Variants in ATRNL1 observed in about 807,000 individuals in gnomAD.
ATRNL1 encodes attractin-like protein 1.
ATRNL1 carries 95 observed loss-of-function variants against 182.7 expected under a neutral mutation model. The ratio of observed to expected loss-of-function variants is 0.52; its 90% confidence interval spans 0.44 to 0.62. The LOEUF is 0.62. ATRNL1 is among the 20% of genes least tolerant of loss of function. The pLI is 0.00. For missense variants in ATRNL1, 1,471 were observed against 1,679.5 expected, an observed-to-expected ratio of 0.88 and a Z score of 2.17; for synonymous variants, 576 against 568.3, an observed-to-expected ratio of 1.01 and a Z score of -0.19.
At chr10:115,532,044 G>C (rs1198502325) in intron 25 of ATRNL1, among the ~76,000 whole-genome samples, 2 of 151,076 alleles carry the variant, frequency 1.3e-5, no homozygotes, top group Admixed American at 6.6e-5. Context: ...TTGTAGTATA[G>C]TTTGAAGTCA....
At chr10:115,265,906 T>G (rs1851589214) in intron 11 of ATRNL1, among the ~76,000 whole-genome samples, 1 of 151,762 alleles carries the variant, frequency 6.6e-6, no homozygotes, top group African/African-American at 2.4e-5. Context: ...CAGAATGACC[T>G]TTTTATAAGC....
intron 10 of ATRNL1, among the ~76,000 whole-genome samples, chr10:115,257,184 C>T (rs1015859402): frequency 6.6e-6 from 1 of 152,042 alleles, no homozygotes; most frequent in African/African-American, 2.4e-5. Context: ...CCTGGATATC[C>T]TTGTTAACCT....
rs187708235 is a variant in ATRNL1 at position 115,511,898 on chromosome 10, G to T, written c.3655-7365G>T. ...TGTTGTCTTATCAATTATTTTGGGG[G>T]TTTTTTAAACAGATGGGGAAGATGA... is the stretch of plus-strand genomic sequence containing the variant. On this transcript the variant is annotated intron_variant, in intron 24 of 28. Transcript: ENST00000355044. 5.3e-5 allele frequency among the ~76,000 whole-genome samples: 8 copies of T among 151,738 alleles called. No individual in the cohort carries two copies. In the East Asian group the frequency reaches 1.2e-3, roughly 22 times the overall value.
Position 115,908,299 on chromosome 10 carries a change from A to G in ATRNL1, c.4019-36359A>G, listed in dbSNP as rs73365731. Among the ~76,000 whole-genome samples the G allele has an allele frequency of 3.3e-3, 501 of 152,262 alleles. 1 individual carries two copies. Among genetic ancestry groups the G allele is most frequent in the African/African-American group, 0.011 (464 of 41,568 alleles). ...CAGTTCTGGAGGTCGGAAGTCTAAA[A>G]TGGATCTGCAAAGCTTCATTTTTTT... On this transcript the variant is annotated intron_variant, in intron 28 of 28. Coordinates refer to ENST00000355044, the MANE Select transcript of ATRNL1 (RefSeq NM_207303.4).
intron 27 of ATRNL1, among the ~76,000 whole-genome samples, chr10:115,830,959 C>CT (rs1555093485): frequency 1.3e-5 from 2 of 152,072 alleles, no homozygotes; most frequent in African/African-American, 4.8e-5. Context: ...CAGGCCTTGC[C>CT]TTTTTATCCC....
At chr10:115,504,891 G>GAT (rs564191374) in intron 24 of ATRNL1, among the ~76,000 whole-genome samples, 52 of 152,136 alleles carry the variant, frequency 3.4e-4, no homozygotes, top group African/African-American at 1.3e-3. Flanking sequence ...CATGCCTATA[G>GAT]AAGTACATCT....
chr10:115,925,392 C>G (rs953066488), intron 28 of ATRNL1, among the ~76,000 whole-genome samples: 1 of 152,070 alleles, frequency 6.6e-6, no homozygotes, highest in Non-Finnish European at 1.5e-5. Context: ...ATGACAGGAT[C>G]AGGTTCACAC....
intron 28 of ATRNL1, among the ~76,000 whole-genome samples, chr10:115,872,376 A>G (rs1342799700): frequency 2.0e-5 from 3 of 152,206 alleles, no homozygotes; most frequent in African/African-American, 7.2e-5. Flanking sequence ...GTACTGTCCA[A>G]TTCCAACGTT....
intron 25 of ATRNL1, among the ~76,000 whole-genome samples, chr10:115,519,750 G>T (rs1444075310): frequency 6.6e-6 from 1 of 152,166 alleles, no homozygotes; most frequent in African/African-American, 2.4e-5. Context: ...CAGTGAAGCA[G>T]CTTTGTAAAA....
At chr10:115,227,494 T>C (rs1369922848) in intron 9 of ATRNL1, among the ~76,000 whole-genome samples, 4 of 152,202 alleles carry the variant, frequency 2.6e-5, no homozygotes, top group Admixed American at 6.6e-5. Context: ...TTTCAGCCAC[T>C]GTGGAAAATA....
At chr10:115,712,880 G>GA (rs769248130) in intron 26 of ATRNL1, among the ~76,000 whole-genome samples, 13 of 146,598 alleles carry the variant, frequency 8.9e-5, no homozygotes, top group Admixed American at 1.4e-4. Context: ...AAAAAAAAAA[G>GA]AAAAAAAAAT....
intron 19 of ATRNL1, among the ~76,000 whole-genome samples, chr10:115,366,420 G>A (rs368297705): frequency 9.2e-5 from 14 of 152,066 alleles, no homozygotes; most frequent in Admixed American, 3.3e-4. Context: ...GTCTCTACAC[G>A]TGAGATGGGT....
At chr10:115,803,582 A>T (rs1227965318) in intron 27 of ATRNL1, among the ~76,000 whole-genome samples, 1 of 148,002 alleles carries the variant, frequency 6.8e-6, no homozygotes, top group Non-Finnish European at 1.5e-5. Flanking sequence ...TTGTTTTAGA[A>T]GTTTGGGTTT....
chr10:115,764,895 A>T (rs1948820032), intron 27 of ATRNL1, among the ~76,000 whole-genome samples: 1 of 152,178 alleles, frequency 6.6e-6, no homozygotes, highest in Non-Finnish European at 1.5e-5. Flanking sequence ...GCTGGTCTCA[A>T]ACTCCTGACC....
At chr10:115,665,656 T>G (rs1201593977) in intron 26 of ATRNL1, among the ~76,000 whole-genome samples, 1 of 152,130 alleles carries the variant, frequency 6.6e-6, no homozygotes, top group African/African-American at 2.4e-5. Context: ...ATTTAAGAAT[T>G]ACTAAATAAA....
intron 27 of ATRNL1, among the ~76,000 whole-genome samples, chr10:115,755,863 T>G (rs569040633): frequency 6.6e-6 from 1 of 152,280 alleles, no homozygotes; most frequent in Admixed American, 6.5e-5. Flanking sequence ...TATTGGTCTA[T>G]TCAGGGATTC....
chr10:115,902,520 T>C (rs1701953656), intron 28 of ATRNL1, among the ~76,000 whole-genome samples: 1 of 152,140 alleles, frequency 6.6e-6, no homozygotes, highest in Non-Finnish European at 1.5e-5. Context: ...TTAACATTAA[T>C]GGAAGGGAAA....
chr10:115,377,643 G>A lies in ATRNL1; in HGVS notation c.3176-17016G>A, dbSNP rs192866164. Among the ~76,000 whole-genome samples the A allele has an allele frequency of 1.9e-3, 295 of 152,240 alleles. 1 individual carries two copies. The highest frequency in any genetic ancestry group is 6.6e-3 in the African/African-American group (275 of 41,534). The stretch of plus-strand genomic sequence containing the variant: ...ACTATATAGCCTTGCACCAGTATCT[G>A]TGCAGCTGAGGAGCAAACACCTCTT... On this transcript the variant is annotated intron_variant, in intron 19 of 28. Transcript: ENST00000355044.
At chr10:115,130,500 C>G (rs556890587) in intron 5 of ATRNL1, among the ~76,000 whole-genome samples, 96 of 152,068 alleles carry the variant, frequency 6.3e-4, no homozygotes, top group Non-Finnish European at 1.1e-3. Flanking sequence ...TAAATTATGC[C>G]TGTCTTAAGC....
Sources: gnomAD v4.1 joint callset for allele counts (sites outside exome capture counted in the v4.1 genomes callset) on GRCh38, gnomAD v4.1.1 for gene constraint, MANE v1.5 for transcripts, NCBI Gene and HGNC (gene_info 2026-07-23, HGNC 2026-07-21) for gene names.